Variants in KIN observed in about 807,000 individuals in gnomAD.
KIN encodes the protein DNA/RNA-binding protein KIN17.
In KIN, 47 loss-of-function variants were observed where a neutral mutation model predicts 63.0. The ratio of observed to expected loss-of-function variants is 0.75; its 90% confidence interval spans 0.59 to 0.95. The LOEUF (loss-of-function observed/expected upper bound fraction) is 0.95, where lower values mean the gene tolerates loss of function less well. Among genes scored for constraint, KIN ranks in the 40% least tolerant of loss-of-function variants. The pLI is 0.00. For missense variants in KIN, 408 were observed against 460.9 expected (o/e 0.89, Z 1.05); for synonymous variants, 160 against 157.7 (o/e 1.01, Z -0.11).
chr10:7,785,858 T>C (rs1018647277), intron 1 of KIN, among the ~76,000 whole-genome samples: 1 of 151,870 alleles, frequency 6.6e-6, no homozygotes, highest in African/African-American at 2.4e-5. Context: ...ATGGGTTATA[T>C]TCTAAATTCA....
In KIN at chr10:7,753,374, G is replaced by A. The variant is rs750098530; in HGVS notation, c.*2706C>T. 1.3e-5 allele frequency: 2 copies of A among 152,152 alleles called. No individual in the cohort carries two copies. Among genetic ancestry groups the A allele is most frequent in the African/African-American group, 2.4e-5 (1 of 41,442 alleles). The allele number at this position is 152,152 out of a possible 1,614,324, so 9.4% of individuals were successfully genotyped here. On this transcript the variant is annotated 3_prime_UTR_variant, in exon 13 of 13. Transcript: ENST00000379562. ...AAGTTGATTCCAAACGTACATACTT[G>A]GGGGAGGCATATGTAATTTGTCTGG...
chr10:7,756,887 G>C (rs1835342390), intron 12 of KIN, among the ~76,000 whole-genome samples: 1 of 152,156 alleles, frequency 6.6e-6, no homozygotes, highest in Admixed American at 6.6e-5. Flanking sequence ...AAGGGAAAGA[G>C]GAAAACTTAA....
intron 8 of KIN, among the ~76,000 whole-genome samples, chr10:7,766,744 C>G (rs1835551551): frequency 6.6e-6 from 1 of 152,134 alleles, no homozygotes; most frequent in Non-Finnish European, 1.5e-5. Context: ...TAATTTTAGG[C>G]TGGGCGCGGT....
intron 4 of KIN, 34 bp downstream of exon 4, chr10:7,780,022 G>A: frequency 6.3e-7 from 1 of 1,596,498 alleles, no homozygotes; most frequent in Non-Finnish European, 8.6e-7. Context: ...TTAGAAGTGG[G>A]AAAGAAAAAG....
chr10:7,775,872 G>A, intron 5 of KIN, 73 bp from the exon 6 acceptor site: 1 of 826,230 alleles, frequency 1.2e-6, no homozygotes, highest in Non-Finnish European at 1.9e-6. Context: ...CCTAAATTAT[G>A]ACTTGCTACC....
chr10:7,761,966 A>T (rs1050583118), intron 11 of KIN, among the ~76,000 whole-genome samples: 11 of 152,132 alleles, frequency 7.2e-5, no homozygotes, highest in African/African-American at 2.7e-4. Context: ...GTGCCGCCAC[A>T]CTCCAGCCTG....
intron 2 of KIN, among the ~76,000 whole-genome samples, 173 bp from the exon 3 acceptor site, chr10:7,780,480 C>A (rs1218827918): frequency 6.6e-6 from 1 of 152,146 alleles, no homozygotes. Context: ...TTGCAACCTC[C>A]ACTTCCCAGG....
rs1391956511 is a variant in KIN, at chr10:7,758,899, A to T, written c.1119+991T>A. On this transcript the variant is annotated intron_variant, in intron 12 of 12. Coordinates refer to ENST00000379562, the MANE Select transcript of KIN (RefSeq NM_012311.4). ...TTTACGTTAGTAACAGTTAGCAAGT[A>T]ACAGCTTCTAGGTTAGCATTGTCAG... Among the ~76,000 whole-genome samples the T allele has an allele frequency of 2.0e-5, 3 of 152,082 alleles. No individual in the cohort carries two copies. In the East Asian group the frequency reaches 5.8e-4, roughly 29 times the overall value.
At chr10:7,762,707 C>T (rs1835460705) in intron 10 of KIN, 151 bp from the exon 11 acceptor site, 1 of 529,832 alleles carries the variant, frequency 1.9e-6, no homozygotes, top group Admixed American at 3.6e-5. Flanking sequence ...AGATTCCATA[C>T]ATGATTTCCC....
chr10:7,769,378 G>C (rs1368520576), intron 7 of KIN, 33 bp from the exon 8 acceptor site: 2 of 1,600,624 alleles, frequency 1.2e-6, no homozygotes, highest in East Asian at 2.2e-5. Context: ...TTGTTACCAA[G>C]AACCATACAC....
intron 4 of KIN, among the ~76,000 whole-genome samples, chr10:7,779,575 A>G (rs1474644786): frequency 2.6e-5 from 4 of 152,222 alleles, no homozygotes; most frequent in Non-Finnish European, 5.9e-5. Context: ...GGATGGTTGC[A>G]TCTGTACTGA....
intron 8 of KIN, among the ~76,000 whole-genome samples, chr10:7,768,551 A>AAG (rs397792174): frequency 1.3e-5 from 2 of 151,640 alleles, no homozygotes; most frequent in Non-Finnish European, 2.9e-5. Flanking sequence ...CAAAAAAAAA[A>AAG]CATGTCACAG....
At chr10:7,779,322 A>G (rs543687728) in intron 4 of KIN, among the ~76,000 whole-genome samples, 23 of 152,148 alleles carry the variant, frequency 1.5e-4, no homozygotes, top group Non-Finnish European at 2.6e-4. Context: ...CAGGAGAATC[A>G]CTTGAACCCA....
In KIN at chr10:7,778,823, A is replaced by G. The variant is rs779553412; in HGVS notation, c.558+15T>C. On this transcript the variant is annotated intron_variant, in intron 5 of 12. Transcript: ENST00000379562. The stretch of plus-strand genomic sequence containing the variant: ...CCTCTGGACGTTGCTTCTCAGGATG[A>G]TGTTGCTTACCCACCTGTTCCTTCC... The G allele has an allele frequency of 1.9e-6, 3 of 1,611,874 alleles. No individual in the cohort carries two copies. The South Asian group carries it at 3.3e-5, about 18-fold the overall frequency.
Position 7,775,802 on chromosome 10 carries a change from A to T in KIN, c.559-3T>A. 1.3e-6 allele frequency: 2 copies of T among 1,522,712 alleles called. No individual in the cohort carries two copies. Among genetic ancestry groups the T allele is most frequent in the South Asian group, 1.2e-5 (1 of 81,956 alleles). The allele number at this position is 1,522,712 out of a possible 1,614,324, so 94.3% of individuals were successfully genotyped here. On this transcript the variant is annotated splice_polypyrimidine_tract_variant and splice_region_variant and intron_variant, in intron 5 of 12. Transcript: ENST00000379562. Reference sequence around the variant, plus strand: ...AATTCCGTAAAAGTAGGGACCTCCTAAAAAAAAGAAAGTTTTAAGGTTTTG... The same window carrying T: ...AATTCCGTAAAAGTAGGGACCTCCTTAAAAAAAGAAAGTTTTAAGGTTTTG...
intron 7 of KIN, among the ~76,000 whole-genome samples, chr10:7,773,465 C>T (rs1465059982): frequency 3.3e-5 from 5 of 152,116 alleles, no homozygotes; most frequent in South Asian, 2.1e-4. Context: ...ATATTTGAGC[C>T]GATCTTCCAG....
chr10:7,764,651 T>TA (rs1835503430), intron 9 of KIN, among the ~76,000 whole-genome samples: 2 of 152,322 alleles, frequency 1.3e-5, no homozygotes, highest in South Asian at 4.1e-4. Context: ...TGAACGGTCT[T>TA]ATTCTGAAGT....
intron 11 of KIN, 91 bp from the exon 12 acceptor site, chr10:7,760,081 A>G (rs2130987174): frequency 1.7e-6 from 1 of 596,066 alleles, no homozygotes; most frequent in Non-Finnish European, 2.9e-6. Flanking sequence ...CACTGAATAA[A>G]CATAATAAAA....
chr10:7,779,626 A>G lies in KIN; in HGVS notation c.376+430T>C, dbSNP rs894050717. On this transcript the variant is annotated intron_variant, in intron 4 of 12. Transcript: ENST00000379562. ...TTTTCCTTCCCATTTTTCCCTAACA[A>G]TAGAGTATAAAAACTATTTACATTG... Among the ~76,000 whole-genome samples the G allele has an allele frequency of 3.9e-5, 6 of 152,208 alleles. 1 individual carries two copies. The highest frequency in any genetic ancestry group is 9.7e-5 in the African/African-American group (4 of 41,448).
Sources: allele counts gnomAD v4.1 joint callset (sites outside exome capture counted in the v4.1 genomes callset), GRCh38; gene constraint gnomAD v4.1.1; transcripts MANE v1.5; gene names NCBI Gene and HGNC (gene_info 2026-07-23, HGNC 2026-07-21).